The following RGS6 variants were observed in gnomAD, a reference collection of about 807,000 sequenced individuals.
RGS6 encodes regulator of G protein signaling 6.
In RGS6, 30 loss-of-function variants were observed where a neutral mutation model predicts 78.5. The observed-to-expected ratio is 0.38, with a 90% CI of 0.29 to 0.52. The LOEUF is 0.52. Ranked by LOEUF, RGS6 falls within the 20% of genes least tolerant of loss-of-function variation. RGS6 has a pLI of 0.85. For synonymous variants in RGS6, 206 were observed against 206.0 expected (o/e 1.00, Z 0.00); for missense variants, 495 against 609.7 (o/e 0.81, Z 1.98).
At chr14:72,392,015 T>C (rs1235949261) in intron 3 of RGS6, among the ~76,000 whole-genome samples, 1 of 152,126 alleles carries the variant, frequency 6.6e-6, no homozygotes, top group African/African-American at 2.4e-5. Flanking sequence ...TTAACATCTT[T>C]TATTTATTTT....
chr14:72,235,409 C>T (rs553257170), intron 2 of RGS6, among the ~76,000 whole-genome samples: 1 of 152,218 alleles, frequency 6.6e-6, no homozygotes, highest in South Asian at 2.1e-4. Context: ...CACACAAGGA[C>T]CCAAGAATAT....
At chr14:72,310,033 T>G (rs1376712026) in intron 2 of RGS6, among the ~76,000 whole-genome samples, 1 of 152,208 alleles carries the variant, frequency 6.6e-6, no homozygotes, top group East Asian at 1.9e-4. Context: ...GAGCAGCCTC[T>G]CTCCTCCTTC....
intron 2 of RGS6, among the ~76,000 whole-genome samples, chr14:72,113,729 G>A (rs567717467): frequency 2.6e-5 from 4 of 152,252 alleles, no homozygotes; most frequent in East Asian, 1.9e-4. Flanking sequence ...CTCCTTGGAC[G>A]GGGGATAGAT....
chr14:71,921,447 T>C, the RGS6 span, among the ~76,000 whole-genome samples: 1 of 152,210 alleles, frequency 6.6e-6, no homozygotes, highest in African/African-American at 2.4e-5. Flanking sequence ...TCATACACAA[T>C]AGCCAAGATA....
At chr14:72,006,321 A>G (rs1198259375) in intron 2 of RGS6, among the ~76,000 whole-genome samples, 1 of 152,180 alleles carries the variant, frequency 6.6e-6, no homozygotes, top group African/African-American at 2.4e-5. Flanking sequence ...GTTGCCATCC[A>G]CCAACACTCT....
chr14:72,249,911 T>C (rs1403774128), intron 2 of RGS6, among the ~76,000 whole-genome samples: 1 of 151,622 alleles, frequency 6.6e-6, no homozygotes, highest in Non-Finnish European at 1.5e-5. Flanking sequence ...TATACAGCCA[T>C]AAAAAAGGAT....
At chr14:72,205,892 C>T (rs997817127) in intron 2 of RGS6, among the ~76,000 whole-genome samples, 1 of 152,200 alleles carries the variant, frequency 6.6e-6, no homozygotes, top group Non-Finnish European at 1.5e-5. Context: ...TATGGTAAAA[C>T]AGTCATGGAC....
the RGS6 span, among the ~76,000 whole-genome samples, chr14:72,589,921 C>T: frequency 1.3e-5 from 2 of 152,080 alleles, no homozygotes; most frequent in Admixed American, 1.3e-4. Flanking sequence ...AGACTCAGCT[C>T]CAAAATATAA....
At chr14:72,169,487 G>C (rs1222962241) in intron 2 of RGS6, among the ~76,000 whole-genome samples, 5 of 152,208 alleles carry the variant, frequency 3.3e-5, no homozygotes, top group Non-Finnish European at 5.9e-5. Flanking sequence ...TGGCTTTAGT[G>C]TTTCAACAGA....
At chr14:72,283,684 T>C (rs995873142) in intron 2 of RGS6, among the ~76,000 whole-genome samples, 1 of 152,216 alleles carries the variant, frequency 6.6e-6, no homozygotes, top group Non-Finnish European at 1.5e-5. Flanking sequence ...AGGTGTGTCT[T>C]TATCAGCAGC....
At chr14:72,536,477 A>G (rs2097253045) in intron 16 of RGS6, among the ~76,000 whole-genome samples, 1 of 152,154 alleles carries the variant, frequency 6.6e-6, no homozygotes, top group Admixed American at 6.5e-5. Context: ...AGGATGGGGC[A>G]TCCTACCTCC....
intron 14 of RGS6, among the ~76,000 whole-genome samples, chr14:72,514,225 C>G (rs1383994978): frequency 6.6e-6 from 1 of 152,198 alleles, no homozygotes; most frequent in Admixed American, 6.5e-5. Context: ...GCCTACGTCT[C>G]TGGTTGACCA....
chr14:72,143,520 G>C (rs979273369), intron 2 of RGS6, among the ~76,000 whole-genome samples: 5 of 152,180 alleles, frequency 3.3e-5, no homozygotes, highest in African/African-American at 9.7e-5. Context: ...TGATTGTGCT[G>C]GAATTTAAAA....
intron 1 of RGS6, among the ~76,000 whole-genome samples, chr14:71,963,304 C>A (rs2093326398): frequency 6.6e-6 from 1 of 152,194 alleles, no homozygotes; most frequent in African/African-American, 2.4e-5. Flanking sequence ...TTGTTCTTAT[C>A]TCACTGTTAT....
rs529660524 is a variant in RGS6 at position 72,393,889 on chromosome 14, C to T, written c.184+41695C>T. Reference sequence around the variant, plus strand: ...CTACAAATTACAGGAAAGCTTTAATCGCCAATAATTAGGTGTCTTAAAAAT... The same window carrying T: ...CTACAAATTACAGGAAAGCTTTAATTGCCAATAATTAGGTGTCTTAAAAAT... On this transcript the variant is annotated intron_variant, in intron 3 of 17. Coordinates refer to ENST00000553525, the MANE Select transcript of RGS6 (RefSeq NM_001204424.2). 1.2e-4 allele frequency among the ~76,000 whole-genome samples: 19 copies of T among 152,252 alleles called. No homozygotes were observed. In the South Asian group the frequency reaches 2.1e-3, roughly 17 times the overall value.
intron 3 of RGS6, among the ~76,000 whole-genome samples, chr14:72,443,666 A>G (rs1298473320): frequency 6.6e-6 from 1 of 152,194 alleles, no homozygotes; most frequent in Non-Finnish European, 1.5e-5. Flanking sequence ...ACCGTTAGAC[A>G]CCACTGGAAG....
chr14:72,408,090 T>A (rs1477134094), intron 3 of RGS6, among the ~76,000 whole-genome samples: 1 of 152,208 alleles, frequency 6.6e-6, no homozygotes, highest in Non-Finnish European at 1.5e-5. Context: ...ACAAACCGAC[T>A]CATGCTTGTT....
chr14:72,497,173 G>A (rs922872324), intron 13 of RGS6, among the ~76,000 whole-genome samples: 4 of 152,136 alleles, frequency 2.6e-5, no homozygotes, highest in African/African-American at 9.7e-5. Flanking sequence ...TTCCTCTTGA[G>A]CAAAACTGTA....
chr14:71,895,751 A>G, the RGS6 span, among the ~76,000 whole-genome samples: 2 of 152,170 alleles, frequency 1.3e-5, no homozygotes, highest in East Asian at 1.9e-4. Flanking sequence ...AGTGGGAGCC[A>G]TTAGTATTCC....
Sources: allele counts gnomAD v4.1 joint callset (sites outside exome capture counted in the v4.1 genomes callset), GRCh38; gene constraint gnomAD v4.1.1; transcripts MANE v1.5; gene names NCBI Gene and HGNC (gene_info 2026-07-23, HGNC 2026-07-21).